Variants in VCL observed in about 807,000 individuals in gnomAD.
VCL encodes vinculin.
VCL carries 47 observed loss-of-function variants against 125.7 expected under a neutral mutation model. The ratio of observed to expected loss-of-function variants is 0.37; its 90% CI spans 0.30 to 0.48. The LOEUF (loss-of-function observed/expected upper bound fraction) is 0.48, where lower values mean the gene tolerates loss of function less well. VCL is among the 20% of genes least tolerant of loss of function. The probability of loss-of-function intolerance (pLI) is 0.99; values close to 1 mark genes in which losing one functional copy is unlikely to be tolerated. For missense variants in VCL, 1,069 were observed against 1,455.5 expected (o/e 0.73, Z 4.32); for synonymous variants, 458 against 514.6 (o/e 0.89, Z 1.49).
In VCL at chr10:74,009,231, G is replaced by GCC. The variant is rs1565632058; in HGVS notation, c.168+10856_168+10857insCC. Among the ~76,000 whole-genome samples the GCC allele has an allele frequency of 9.0e-3, 245 of 27,260 alleles. 9 individuals carry two copies. Among genetic ancestry groups the GCC allele is most frequent in the Admixed American group, 0.019 (40 of 2,154 alleles). 17.9% of individuals were successfully genotyped at this position (27,260 alleles called of 152,430 possible). ...GCTGCTGCTTTCCCCCCCCCCCCCC[G>GCC]AGCCATTTTAGTATTTAATTCTGTT... On this transcript the variant is annotated intron_variant, in intron 1 of 21. Transcript: ENST00000211998.
At chr10:74,070,618 G>A in intron 2 of VCL, 52 bp from the exon 3 acceptor site, 2 of 1,611,204 alleles carry the variant, frequency 1.2e-6, no homozygotes, top group Admixed American at 3.3e-5. Context: ...TTTGCATATG[G>A]TATTCTTCTG....
At chr10:74,084,281 T>TTTTA (rs568775047) in intron 8 of VCL, among the ~76,000 whole-genome samples, 2,263 of 151,356 alleles carry the variant, frequency 0.015, 29 homozygotes, top group Non-Finnish European at 0.022. Flanking sequence ...TAAAACATGT[T>TTTTA]TTTATTTATT....
intron 1 of VCL, among the ~76,000 whole-genome samples, chr10:74,029,438 G>A (rs992824035): frequency 2.0e-5 from 3 of 152,132 alleles, no homozygotes; most frequent in African/African-American, 7.2e-5. Context: ...TGAGGGGGAG[G>A]ATGAAGTGTT....
intron 10 of VCL, among the ~76,000 whole-genome samples, chr10:74,090,875 AC>A (rs1448412418): frequency 2.6e-5 from 4 of 151,632 alleles, no homozygotes; most frequent in African/African-American, 9.7e-5. Context: ...ACTATGCCTC[AC>A]TGCAGCTTTG....
chr10:74,099,334 CT>C (rs1840015757), intron 13 of VCL, among the ~76,000 whole-genome samples: 1 of 152,166 alleles, frequency 6.6e-6, no homozygotes. Context: ...TTTTCCATGT[CT>C]TTGTTTTTTC....
At chr10:74,032,554 G>A (rs1840897548) in intron 1 of VCL, among the ~76,000 whole-genome samples, 1 of 151,822 alleles carries the variant, frequency 6.6e-6, no homozygotes, top group African/African-American at 2.4e-5. Flanking sequence ...ACAAAAATTA[G>A]CCAGGCATGG....
intron 2 of VCL, among the ~76,000 whole-genome samples, chr10:74,054,757 C>T (rs1215459484): frequency 1.3e-5 from 2 of 152,070 alleles, no homozygotes; most frequent in East Asian, 3.9e-4. Context: ...CCCGTCTCTA[C>T]CAAAAATACA....
chr10:74,049,498 T>G (rs1841259614), intron 2 of VCL, among the ~76,000 whole-genome samples: 1 of 151,926 alleles, frequency 6.6e-6, no homozygotes, highest in Non-Finnish European at 1.5e-5. Context: ...GCTCTCTCAT[T>G]ATAAGTAGGA....
At chr10:74,022,417 G>A (rs1405542114) in intron 1 of VCL, among the ~76,000 whole-genome samples, 4 of 151,522 alleles carry the variant, frequency 2.6e-5, no homozygotes, top group Non-Finnish European at 5.9e-5. Context: ...ATGATGGCAC[G>A]CACCTGTAGT....
downstream of VCL, chr10:74,120,562 G>T (rs959443245): frequency 6.6e-6 from 1 of 152,360 alleles, no homozygotes; most frequent in African/African-American, 2.4e-5. Flanking sequence ...CTGTTGCCCA[G>T]GCTGCAGTGC....
At chr10:74,093,002 G>A (rs1300639873) in intron 10 of VCL, among the ~76,000 whole-genome samples, 1 of 152,082 alleles carries the variant, frequency 6.6e-6, no homozygotes, top group East Asian at 1.9e-4. Context: ...ATGTATAGTA[G>A]TTTATGAATG....
At chr10:74,022,741 A>G (rs750713387) in intron 1 of VCL, among the ~76,000 whole-genome samples, 3 of 151,428 alleles carry the variant, frequency 2.0e-5, no homozygotes, top group South Asian at 2.1e-4. Context: ...GGTTCAAGCA[A>G]TTCTCCTGCC....
chr10:74,001,035 G>A (rs1840215270), intron 1 of VCL, among the ~76,000 whole-genome samples: 1 of 152,180 alleles, frequency 6.6e-6, no homozygotes, highest in Admixed American at 6.5e-5. Context: ...ACAAGTTGGA[G>A]AGAAATTGGA....
intron 1 of VCL, among the ~76,000 whole-genome samples, chr10:74,009,168 A>T (rs1217772469): frequency 6.8e-6 from 1 of 146,776 alleles, no homozygotes; most frequent in African/African-American, 2.6e-5. Flanking sequence ...AGTGGGCCAC[A>T]TAAGTTCAGG....
At chr10:74,003,359 G>A (rs772839015) in intron 1 of VCL, among the ~76,000 whole-genome samples, 1 of 152,278 alleles carries the variant, frequency 6.6e-6, no homozygotes, top group Non-Finnish European at 1.5e-5. Context: ...TTCTAAGAAG[G>A]CTTGGATTCA....
At position 74,114,409 on chromosome 10, in the gene VCL, G is replaced by A. The variant is rs763791592; in HGVS notation, c.3153+22G>A. On this transcript the variant is annotated intron_variant, in intron 20 of 21. Coordinates refer to ENST00000211998, the MANE Select transcript of VCL (RefSeq NM_014000.3). ...ACAGGTACTCGGGGAAAGAGGCTGC[G>A]TGTGTGTGTGTGTGTGTGTGTGTGT... is the stretch of plus-strand genomic sequence containing the variant. 1.3e-4 allele frequency: 48 copies of A among 377,034 alleles called. No individual in the cohort carries two copies. Among genetic ancestry groups the A allele is most frequent in the Non-Finnish European group, 1.5e-4 (46 of 297,620 alleles). 23.4% of individuals were successfully genotyped at this position (377,034 alleles called of 1,614,324 possible).
chr10:74,077,617 A>G (rs1332340825), intron 6 of VCL: 1 of 402,384 alleles, frequency 2.5e-6, no homozygotes, highest in Non-Finnish European at 5.0e-6. Flanking sequence ...TAATGCATAC[A>G]GTGTCTTTCA....
At chr10:74,046,085 T>C (rs1841192695) in intron 2 of VCL, among the ~76,000 whole-genome samples, 1 of 152,178 alleles carries the variant, frequency 6.6e-6, no homozygotes, top group African/African-American at 2.4e-5. Context: ...AATGTCTTCA[T>C]GTGTCAGGAA....
rs3037359 is a variant in VCL at position 74,114,408 on chromosome 10, CGTGTGTGTGTGT to C, written c.3153+39_3153+50del. The C allele has an allele frequency of 4.1e-5, 59 of 1,452,082 alleles. No individual in the cohort carries two copies. In the Middle Eastern group the frequency reaches 1.1e-3, roughly 27 times the overall value. 89.9% of individuals were successfully genotyped at this position (1,452,082 alleles called of 1,614,324 possible). A position where few individuals can be genotyped will look rare whatever the true frequency, so the allele number is the denominator to read the frequency against. On this transcript the variant is annotated intron_variant, in intron 20 of 21. Transcript: ENST00000211998. ...TACAGGTACTCGGGGAAAGAGGCTG[CGTGTGTGTGTGT>C]GTGTGTGTGTGTGTGTGCGTGTGTG...
Sources: allele counts gnomAD v4.1 joint callset (sites outside exome capture counted in the v4.1 genomes callset), GRCh38; gene constraint gnomAD v4.1.1; transcripts MANE v1.5; gene names NCBI Gene and HGNC (gene_info 2026-07-23, HGNC 2026-07-21).